PCDHAC1: variants seen among roughly 807,000 people sequenced by gnomAD.
PCDHAC1 encodes the protein protocadherin alpha-C1.
PCDHAC1 carries 42 observed loss-of-function variants against 60.0 expected under a neutral mutation model. That is an observed-to-expected ratio of 0.70 (90% CI 0.55 to 0.90). The LOEUF (loss-of-function observed/expected upper bound fraction) is 0.90, where lower values mean the gene tolerates loss of function less well. Ranked by LOEUF, PCDHAC1 falls within the 40% of genes least tolerant of loss-of-function variation. The probability of loss-of-function intolerance (pLI) is 0.00; values close to 1 mark genes in which losing one functional copy is unlikely to be tolerated. For missense variants in PCDHAC1, 1,160 were observed against 1,222.3 expected, an observed-to-expected ratio of 0.95 and a Z score of 0.76; for synonymous variants, 468 against 499.3, an observed-to-expected ratio of 0.94 and a Z score of 0.84.
intron 1 of PCDHAC1, among the ~76,000 whole-genome samples, chr5:140,961,208 A>T (rs1268712075): frequency 1.3e-5 from 2 of 152,164 alleles, no homozygotes; most frequent in African/African-American, 4.8e-5. Flanking sequence ...GTTGGTATTG[A>T]TGAAGAAACT....
chr5:140,987,008 G>T (rs958548514), intron 3 of PCDHAC1, among the ~76,000 whole-genome samples: 1 of 152,142 alleles, frequency 6.6e-6, no homozygotes, highest in Non-Finnish European at 1.5e-5. Context: ...GAGGTCATGA[G>T]TTCGAGACCA....
chr5:141,010,293 G>A lies in PCDHAC1; in HGVS notation c.*356G>A. ...ATCCTGTCTTGATGACACTTGCAGG[G>A]CAGGCTGAAAAGTTTTGAGATTGAG... On this transcript the variant is annotated 3_prime_UTR_variant, in exon 4 of 4. Transcript: ENST00000253807. The A allele has an allele frequency of 6.5e-7, 1 of 1,549,794 alleles. No individual in the cohort carries two copies. The highest frequency in any genetic ancestry group is 2.4e-5 in the East Asian group (1 of 40,902).
At position 140,966,546 on chromosome 5, in the gene PCDHAC1, C is replaced by G. The variant is rs549303882; in HGVS notation, c.2434-12403C>G. The G allele has an allele frequency of 3.9e-5, 18 of 466,228 alleles. No individual in the cohort carries two copies. The Admixed American group carries it at 6.1e-4, about 16-fold the overall frequency. 28.9% of individuals were successfully genotyped at this position (466,228 alleles called of 1,614,324 possible). On this transcript the variant is annotated intron_variant, in intron 1 of 3. Coordinates refer to ENST00000253807, the MANE Select transcript of PCDHAC1 (RefSeq NM_018898.5). ...CGAGCCGGGTTGAGCGACTCGGAGGCGAGCGGAGGAGCTGGAATATGGGGA... is the reference window on the plus strand; with the variant it reads ...CGAGCCGGGTTGAGCGACTCGGAGGGGAGCGGAGGAGCTGGAATATGGGGA...
chr5:140,965,012 C>T (rs1405445486), intron 1 of PCDHAC1, among the ~76,000 whole-genome samples: 2 of 152,188 alleles, frequency 1.3e-5, no homozygotes, highest in African/African-American at 4.8e-5. Flanking sequence ...GTCAGGATCA[C>T]AACCTTGGCT....
At chr5:140,944,241 G>A (rs2093630107) in intron 1 of PCDHAC1, among the ~76,000 whole-genome samples, 1 of 152,196 alleles carries the variant, frequency 6.6e-6, no homozygotes, top group African/African-American at 2.4e-5. Context: ...AGGCTGGAGT[G>A]CAGTGATGTG....
At chr5:140,929,557 A>AT (rs2086230665) in intron 1 of PCDHAC1, 1 of 478,260 alleles carries the variant, frequency 2.1e-6, no homozygotes, top group Non-Finnish European at 3.6e-6. Flanking sequence ...ATTAAAACCT[A>AT]TTTAAGAACA....
intron 1 of PCDHAC1, chr5:140,966,173 A>C (rs2095976741): frequency 5.4e-6 from 1 of 184,728 alleles, no homozygotes; most frequent in Admixed American, 6.2e-5. Context: ...TTTCCTGGGG[A>C]GCTGATAGCC....
At chr5:140,969,821 T>C (rs1358078633) in intron 1 of PCDHAC1, among the ~76,000 whole-genome samples, 3 of 152,250 alleles carry the variant, frequency 2.0e-5, no homozygotes, top group Non-Finnish European at 4.4e-5. Flanking sequence ...TACTCTGGAC[T>C]GTCTACAGTG....
intron 1 of PCDHAC1, among the ~76,000 whole-genome samples, chr5:140,950,852 A>G (rs1172997648): frequency 6.6e-6 from 1 of 151,856 alleles, no homozygotes; most frequent in Non-Finnish European, 1.5e-5. Flanking sequence ...CATTTCTTTC[A>G]TATTCTTGTA....
intron 1 of PCDHAC1, among the ~76,000 whole-genome samples, chr5:140,941,202 C>CTTTCTTTCTTTCTTTCTTTCTTTCTTT (rs1554213921): frequency 8.1e-6 from 1 of 122,708 alleles, no homozygotes; most frequent in Admixed American, 8.6e-5. Context: ...TTTCTTTCTT[C>CTTTCTTTCTTTCTTTCTTTCTTTCTTT]CTTTCTTTCT....
At chr5:140,989,171 G>A (rs2097331816) in intron 3 of PCDHAC1, among the ~76,000 whole-genome samples, 1 of 152,116 alleles carries the variant, frequency 6.6e-6, no homozygotes, top group African/African-American at 2.4e-5. Flanking sequence ...GCATAAAACA[G>A]GAGAGTTTCT....
rs782612848 is a variant in PCDHAC1 at position 140,927,167 on chromosome 5, C to A, written c.275C>A (p.Ala92Asp). 6.2e-7 allele frequency: 1 copy of A among 1,614,164 alleles called. No homozygotes were observed. Among genetic ancestry groups the A allele is most frequent in the Admixed American group, 1.7e-5 (1 of 60,024 alleles). The change falls in exon 1 of 4, where the codon GCC becomes GAC. Residue 92 changes from alanine to aspartate, a missense_variant. Physicochemically the swap from Ala to Asp is moderately radical, Grantham distance 126. Around this residue, in one of 3 missense-constraint regions of PCDHAC1, gnomAD observed 1,113 missense variants for 1,163.7 expected, o/e 0.96. Transcript: ENST00000253807. ...GAACAGCTGTGCAGGGCCAAAGCTG[C>A]CTGCGTCTTGACCTACGACCTGGTG... is the stretch of plus-strand genomic sequence containing the variant. ...DREQLCRAKA[A>D]CVLTYDLVLE...
intron 1 of PCDHAC1, among the ~76,000 whole-genome samples, chr5:140,971,149 G>C (rs2096459410): frequency 1.3e-5 from 2 of 152,200 alleles, no homozygotes; most frequent in Admixed American, 1.3e-4. Context: ...GAACAAGTCA[G>C]GCCAGGCTCA....
intron 1 of PCDHAC1, among the ~76,000 whole-genome samples, chr5:140,975,197 C>T (rs1176492853): frequency 6.6e-6 from 1 of 152,230 alleles, no homozygotes; most frequent in Non-Finnish European, 1.5e-5. Flanking sequence ...TCTGCTCCAT[C>T]TTCATGGCTG....
intron 1 of PCDHAC1, among the ~76,000 whole-genome samples, chr5:140,955,667 T>C (rs1485421057): frequency 6.6e-6 from 1 of 152,188 alleles, no homozygotes; most frequent in Admixed American, 6.5e-5. Flanking sequence ...AATTTTAACA[T>C]AGTTTTTTCG....
chr5:140,950,865 T>C (rs1419138561), intron 1 of PCDHAC1, among the ~76,000 whole-genome samples: 1 of 152,098 alleles, frequency 6.6e-6, no homozygotes, highest in Non-Finnish European at 1.5e-5. Context: ...TTCTTGTATA[T>C]TCTATATTGT....
chr5:140,975,953 T>C (rs1554237158), intron 1 of PCDHAC1, among the ~76,000 whole-genome samples: 1 of 152,084 alleles, frequency 6.6e-6, no homozygotes, highest in East Asian at 1.9e-4. Flanking sequence ...CATATTAGAG[T>C]TCTTCACCAA....
At chr5:140,987,722 T>C (rs2097265966) in intron 3 of PCDHAC1, among the ~76,000 whole-genome samples, 1 of 152,204 alleles carries the variant, frequency 6.6e-6, no homozygotes, top group Admixed American at 6.5e-5. Context: ...GAGTCTATCC[T>C]ACAGCTTCAA....
intron 1 of PCDHAC1, among the ~76,000 whole-genome samples, chr5:140,950,299 C>T (rs246045): frequency 0.56 from 85,681 of 151,798 alleles, 24,780 homozygotes; most frequent in African/African-American, 0.69. Context: ...AAAAACTTTA[C>T]TTAGCAGTTT....
Sources: allele counts gnomAD v4.1 joint callset (sites outside exome capture counted in the v4.1 genomes callset), GRCh38; gene constraint gnomAD v4.1.1; regional missense constraint gnomAD v4.1.1; transcripts MANE v1.5; gene names NCBI Gene and HGNC (gene_info 2026-07-23, HGNC 2026-07-21).